MAGI2: variants seen among roughly 807,000 people sequenced by gnomAD.
The protein encoded by MAGI2 is membrane associated guanylate kinase, WW and PDZ domain containing 2.
A neutral mutation model predicts 133.3 loss-of-function variants in MAGI2; 35 were observed. The ratio of observed to expected loss-of-function variants is 0.26; its 90% CI spans 0.20 to 0.35. MAGI2 has a LOEUF of 0.35. Among genes scored for constraint, MAGI2 ranks in the 10% least tolerant of loss-of-function variants. The pLI, the probability that MAGI2 is intolerant of heterozygous loss-of-function variation, is 1.00. For missense variants in MAGI2, 1,636 were observed against 1,863.4 expected (o/e 0.88, Z 2.25); for synonymous variants, 729 against 710.6 (o/e 1.03, Z -0.41).
intron 3 of MAGI2, among the ~76,000 whole-genome samples, chr7:78,578,964 T>C (rs974212444): frequency 1.3e-5 from 2 of 152,156 alleles, no homozygotes; most frequent in East Asian, 1.9e-4. Context: ...TTTGTCTCCA[T>C]TGTGAGTCCC....
At chr7:78,129,935 CAAAA>C (rs61675652) in intron 18 of MAGI2, among the ~76,000 whole-genome samples, 2 of 57,158 alleles carry the variant, frequency 3.5e-5, no homozygotes, top group South Asian at 9.7e-4. Flanking sequence ...AACTCCGCCT[CAAAA>C]AAAAAAAAAA....
At chr7:79,202,823 AG>A (rs1188233107) in intron 1 of MAGI2, among the ~76,000 whole-genome samples, 1 of 152,010 alleles carries the variant, frequency 6.6e-6, no homozygotes, top group Non-Finnish European at 1.5e-5. Context: ...GATTTCATCC[AG>A]GTTCATATCT....
chr7:78,998,794 A>G (rs1453274518), intron 2 of MAGI2, among the ~76,000 whole-genome samples: 2 of 152,128 alleles, frequency 1.3e-5, no homozygotes, highest in Non-Finnish European at 2.9e-5. Context: ...TCCTTCAGCA[A>G]TGTAATCATC....
chr7:79,168,975 T>C (rs1389360097), intron 1 of MAGI2, among the ~76,000 whole-genome samples: 1 of 150,796 alleles, frequency 6.6e-6, no homozygotes, highest in East Asian at 1.9e-4. Flanking sequence ...GATATTTTAA[T>C]ATGTGCAAAT....
chr7:78,879,028 G>T (rs547153193), intron 2 of MAGI2, among the ~76,000 whole-genome samples: 6 of 152,222 alleles, frequency 3.9e-5, no homozygotes, highest in African/African-American at 1.4e-4. Flanking sequence ...AGATCTTCAG[G>T]CATTTGAAGC....
chr7:78,842,383 T>C (rs1792220309), intron 2 of MAGI2, among the ~76,000 whole-genome samples: 1 of 151,974 alleles, frequency 6.6e-6, no homozygotes, highest in Non-Finnish European at 1.5e-5. Flanking sequence ...GTTTCAATGT[T>C]CTAGTAATTG....
intron 2 of MAGI2, among the ~76,000 whole-genome samples, chr7:78,954,442 G>C (rs1165440243): frequency 6.6e-6 from 1 of 152,090 alleles, no homozygotes; most frequent in Admixed American, 6.6e-5. Flanking sequence ...GGAGGTCAGG[G>C]TATAGTGAAA....
At chr7:79,064,042 G>T (rs1051156537) in intron 1 of MAGI2, among the ~76,000 whole-genome samples, 2 of 152,090 alleles carry the variant, frequency 1.3e-5, no homozygotes, top group African/African-American at 4.8e-5. Flanking sequence ...AAAAATGCCA[G>T]TGTTGATACT....
chr7:79,097,742 T>C (rs1028004058), intron 1 of MAGI2, among the ~76,000 whole-genome samples: 1 of 152,244 alleles, frequency 6.6e-6, no homozygotes, highest in African/African-American at 2.4e-5. Flanking sequence ...ATCCACACTA[T>C]GATGTATTAT....
rs189793920 is a variant in MAGI2 at position 79,316,206 on chromosome 7, A to G, written c.301+136814T>C. Among the ~76,000 whole-genome samples the G allele has an allele frequency of 1.1e-3, 172 of 152,190 alleles. 1 individual carries two copies. The highest frequency in any genetic ancestry group is 1.7e-3 in the Non-Finnish European group (119 of 68,008). ...CTTTGACTTTTGGCAAATTCTTCCC[A>G]TCTTTTCAATGTCTTTCTCTTATTT... On this transcript the variant is annotated intron_variant, in intron 1 of 21. Coordinates refer to ENST00000354212, the MANE Select transcript of MAGI2 (RefSeq NM_012301.4).
chr7:78,255,506 G>A (rs1792875322), intron 10 of MAGI2: 1 of 317,770 alleles, frequency 3.1e-6, no homozygotes, highest in Non-Finnish European at 5.8e-6. Flanking sequence ...GGCTTAGTAG[G>A]GGTTGAACTG....
At chr7:79,353,483 T>G in intron 1 of MAGI2, 1 of 456,042 alleles carries the variant, frequency 2.2e-6, no homozygotes, top group Non-Finnish European at 4.4e-6. Flanking sequence ...GCACCCGCCC[T>G]GGTGTGTGCC....
chr7:79,005,448 G>A (rs189726240), intron 2 of MAGI2, among the ~76,000 whole-genome samples: 5 of 151,780 alleles, frequency 3.3e-5, no homozygotes, highest in African/African-American at 9.7e-5. Context: ...CTTTTCCTTC[G>A]TAGTCTTCTT....
chr7:78,519,148 A>ACC (rs1284570799), intron 4 of MAGI2: 1 of 147,530 alleles, frequency 6.8e-6, no homozygotes. Context: ...AAAAAAAAAA[A>ACC]CCAATGTGAT....
intron 1 of MAGI2, among the ~76,000 whole-genome samples, chr7:79,038,808 C>G (rs1192679034): frequency 6.6e-6 from 1 of 152,060 alleles, no homozygotes; most frequent in East Asian, 1.9e-4. Flanking sequence ...TTTTTAAATT[C>G]TATTCATGTT....
At chr7:78,285,016 C>T (rs143112711) in intron 9 of MAGI2, among the ~76,000 whole-genome samples, 1 of 152,236 alleles carries the variant, frequency 6.6e-6, no homozygotes, top group Non-Finnish European at 1.5e-5. Context: ...AAGGGCTGGT[C>T]AACTGGCCAC....
chr7:78,668,421 T>G (rs1259586618), intron 2 of MAGI2, among the ~76,000 whole-genome samples: 10 of 150,786 alleles, frequency 6.6e-5, no homozygotes, highest in East Asian at 5.8e-4. Flanking sequence ...GTCAATTTTG[T>G]CTTTTGTTGC....
intron 1 of MAGI2, among the ~76,000 whole-genome samples, chr7:79,289,649 G>A (rs1836303235): frequency 6.6e-6 from 1 of 152,076 alleles, no homozygotes; most frequent in Non-Finnish European, 1.5e-5. Context: ...GAATATAGAT[G>A]AATCTCTTGG....
At chr7:79,049,681 T>C (rs1812499175) in intron 1 of MAGI2, among the ~76,000 whole-genome samples, 1 of 152,104 alleles carries the variant, frequency 6.6e-6, no homozygotes, top group African/African-American at 2.4e-5. Context: ...TTGTTATTTT[T>C]ATGTTTTTTA....
Sources: allele counts gnomAD v4.1 joint callset (sites outside exome capture counted in the v4.1 genomes callset), GRCh38; gene constraint gnomAD v4.1.1; transcripts MANE v1.5; gene names NCBI Gene and HGNC (gene_info 2026-07-23, HGNC 2026-07-21).